The following SAMD12 variants were observed in gnomAD, a reference collection of about 807,000 sequenced individuals.
SAMD12 encodes the protein sterile alpha motif domain containing 12, also known as sterile alpha motif domain-containing protein 12.
SAMD12 carries 9 observed loss-of-function variants against 15.0 expected under a neutral mutation model. The ratio of observed to expected loss-of-function variants is 0.60; its 90% CI spans 0.36 to 1.05. SAMD12 has a LOEUF of 1.05. SAMD12 is among the 50% of genes least tolerant of loss of function. SAMD12 has a pLI of 0.01. For synonymous variants in SAMD12, 86 were observed against 90.1 expected, an observed-to-expected ratio of 0.96 and a Z score of 0.25; for missense variants, 230 against 234.2, an observed-to-expected ratio of 0.98 and a Z score of 0.12.
At chr8:118,194,755 C>G (rs1819507535) in exon 5 of SAMD12, 1 of 152,144 alleles carries the variant, frequency 6.6e-6, no homozygotes, top group Non-Finnish European at 1.5e-5. Context: ...GTACATGCAT[C>G]TTGGGAAGAA....
chr8:118,281,988 T>A (rs560737520), intron 4 of SAMD12, among the ~76,000 whole-genome samples: 2 of 152,312 alleles, frequency 1.3e-5, no homozygotes, highest in Non-Finnish European at 2.9e-5. Flanking sequence ...ATGAGCTCAA[T>A]AACCACTGAA....
chr8:118,552,651 A>G (rs1332129897), intron 2 of SAMD12, among the ~76,000 whole-genome samples: 4 of 152,190 alleles, frequency 2.6e-5, no homozygotes, highest in South Asian at 2.1e-4. Flanking sequence ...CACCACTCCT[A>G]TTCAATGTAG....
At chr8:118,287,078 A>G (rs964542719) in intron 4 of SAMD12, among the ~76,000 whole-genome samples, 1 of 152,176 alleles carries the variant, frequency 6.6e-6, no homozygotes, top group Non-Finnish European at 1.5e-5. Context: ...TGTAAGAAAC[A>G]ACAAACTTAG....
intron 2 of SAMD12, among the ~76,000 whole-genome samples, chr8:118,497,725 G>A (rs1276264356): frequency 5.1e-5 from 3 of 58,796 alleles, no homozygotes; most frequent in South Asian, 2.3e-3. Flanking sequence ...TTAAGTTGCG[G>A]GGGGGGGTGG....
At position 118,390,120 on chromosome 8, in the gene SAMD12, C is replaced by A. The variant is rs527897596; in HGVS notation, c.323-10420G>T. ...CTTCTGGGTTCATGCCATTCTCCTG[C>A]CTCAGCCTCCTAAGCAGCTGGGAAA... On this transcript the variant is annotated intron_variant, in intron 3 of 3. Coordinates refer to ENST00000314727, the MANE Select transcript of SAMD12 (RefSeq NM_207506.3). Among the ~76,000 whole-genome samples, 135 of 152,224 alleles carry A rather than the reference C, an allele frequency of 8.9e-4. 1 individual carries two copies. Among genetic ancestry groups the A allele is most frequent in the African/African-American group, 3.2e-3 (131 of 41,554 alleles).
At chr8:118,273,653 T>C (rs2130122235) in intron 4 of SAMD12, among the ~76,000 whole-genome samples, 1 of 152,250 alleles carries the variant, frequency 6.6e-6, no homozygotes. Context: ...TGGATAAGGA[T>C]TGTTGTGAAA....
chr8:118,552,694 G>T (rs1826380547), intron 2 of SAMD12, among the ~76,000 whole-genome samples: 1 of 152,156 alleles, frequency 6.6e-6, no homozygotes, highest in South Asian at 2.1e-4. Flanking sequence ...AATTAGGCAG[G>T]AGAAGGAAAT....
intron 4 of SAMD12, among the ~76,000 whole-genome samples, chr8:118,330,417 T>G (rs988770259): frequency 6.6e-6 from 1 of 152,152 alleles, no homozygotes; most frequent in Non-Finnish European, 1.5e-5. Context: ...TGCCTGGGAA[T>G]GCAGAGAAGT....
chr8:118,320,676 G>GGGC (rs1235366355), intron 4 of SAMD12, among the ~76,000 whole-genome samples: 3 of 148,308 alleles, frequency 2.0e-5, no homozygotes, highest in African/African-American at 7.5e-5. Context: ...GTGGGGTGGG[G>GGGC]GGGGTGGGGA....
chr8:118,454,082 T>C (rs1401130309), intron 2 of SAMD12, among the ~76,000 whole-genome samples: 2 of 152,190 alleles, frequency 1.3e-5, no homozygotes, highest in Non-Finnish European at 2.9e-5. Flanking sequence ...CCTTTTTTCT[T>C]AGTTTACATC....
intron 4 of SAMD12, among the ~76,000 whole-genome samples, chr8:118,301,347 T>C (rs954543653): frequency 2.0e-5 from 3 of 152,150 alleles, no homozygotes; most frequent in Non-Finnish European, 2.9e-5. Context: ...ACGATGGAAA[T>C]GGTTCTCTTG....
chr8:118,460,893 G>A (rs750296398), intron 2 of SAMD12, among the ~76,000 whole-genome samples: 2 of 152,208 alleles, frequency 1.3e-5, no homozygotes, highest in South Asian at 4.2e-4. Flanking sequence ...CTGACATGAC[G>A]GCACCAACTT....
chr8:118,376,014 C>T (rs1373173381), downstream of SAMD12, among the ~76,000 whole-genome samples: 7 of 152,100 alleles, frequency 4.6e-5, no homozygotes, highest in African/African-American at 1.2e-4. Flanking sequence ...TAGTATTCTT[C>T]ATTCTCGTAT....
chr8:118,457,572 A>C (rs1823295825), intron 2 of SAMD12, among the ~76,000 whole-genome samples: 1 of 152,128 alleles, frequency 6.6e-6, no homozygotes, highest in Admixed American at 6.5e-5. Flanking sequence ...GCTACTTAAC[A>C]AGCCAGACTG....
intron 2 of SAMD12, among the ~76,000 whole-genome samples, chr8:118,502,019 C>CAAAA (rs778485490): frequency 1.6e-4 from 13 of 80,490 alleles, no homozygotes; most frequent in South Asian, 8.0e-4. Context: ...GACTCCGTCT[C>CAAAA]AAAAAAAAAA....
chr8:118,244,751 T>C (rs935797581), intron 4 of SAMD12, among the ~76,000 whole-genome samples: 4 of 151,908 alleles, frequency 2.6e-5, no homozygotes, highest in Admixed American at 6.6e-5. Flanking sequence ...CTGAGTGAGA[T>C]AGTAAGAGGA....
At chr8:118,203,174 G>A (rs1167411617) in intron 4 of SAMD12, among the ~76,000 whole-genome samples, 1 of 152,198 alleles carries the variant, frequency 6.6e-6, no homozygotes, top group Non-Finnish European at 1.5e-5. Flanking sequence ...GAGAAATCAA[G>A]TAACTGTGTT....
At chr8:118,414,987 C>G (rs555539801) in intron 3 of SAMD12, among the ~76,000 whole-genome samples, 1 of 152,352 alleles carries the variant, frequency 6.6e-6, no homozygotes, top group Admixed American at 6.5e-5. Context: ...GATTAGTCAT[C>G]TGTCACCTCC....
intron 4 of SAMD12, among the ~76,000 whole-genome samples, chr8:118,279,122 C>T (rs1000535225): frequency 6.6e-6 from 1 of 152,156 alleles, no homozygotes; most frequent in East Asian, 1.9e-4. Context: ...AAACCAATTG[C>T]ACATCTGGGT....
Sources: gnomAD v4.1 joint callset for allele counts (sites outside exome capture counted in the v4.1 genomes callset) on GRCh38, gnomAD v4.1.1 for gene constraint, MANE v1.5 for transcripts, NCBI Gene and HGNC (gene_info 2026-07-23, HGNC 2026-07-21) for gene names.